ARHGEF3: variants seen among roughly 807,000 people sequenced by gnomAD.
The protein encoded by ARHGEF3 is 59.8 kDA protein.
A neutral mutation model predicts 63.2 loss-of-function variants in ARHGEF3; 28 were observed. The observed-to-expected ratio is 0.44, with a 90% CI of 0.33 to 0.61. The LOEUF is 0.61. ARHGEF3 is among the 20% of genes least tolerant of loss of function. The pLI is 0.03. For synonymous variants in ARHGEF3, 266 were observed against 254.2 expected, an observed-to-expected ratio of 1.05 and a Z score of -0.44; for missense variants, 533 against 659.3, an observed-to-expected ratio of 0.81 and a Z score of 2.10.
intron 6 of ARHGEF3, among the ~76,000 whole-genome samples, chr3:56,749,930 C>T (rs962756349): frequency 6.7e-6 from 1 of 149,222 alleles, no homozygotes; most frequent in African/African-American, 2.6e-5. Context: ...TATGTGTTAT[C>T]AAGGCATGTT....
chr3:56,834,720 G>C (rs1013045656), intron 4 of ARHGEF3, among the ~76,000 whole-genome samples: 7 of 150,010 alleles, frequency 4.7e-5, no homozygotes, highest in South Asian at 2.1e-4. Flanking sequence ...ACTCCAGCCT[G>C]GGTGACAGAG....
chr3:57,000,760 T>C (rs962047453), intron 2 of ARHGEF3, among the ~76,000 whole-genome samples: 135 of 152,230 alleles, frequency 8.9e-4, no homozygotes, highest in African/African-American at 3.2e-3. Context: ...CTCGAACTCC[T>C]GACCTCAAGT....
intron 4 of ARHGEF3, among the ~76,000 whole-genome samples, chr3:56,850,025 A>T (rs1168835289): frequency 6.6e-6 from 1 of 151,942 alleles, no homozygotes; most frequent in Non-Finnish European, 1.5e-5. Flanking sequence ...TTTAAGTATT[A>T]CCCTTCCCCC....
At chr3:56,743,365 T>C (rs776303181) in intron 7 of ARHGEF3, among the ~76,000 whole-genome samples, 1 of 152,172 alleles carries the variant, frequency 6.6e-6, no homozygotes, top group African/African-American at 2.4e-5. Flanking sequence ...CTCAAAGTAG[T>C]GGGCAGGCTT....
chr3:57,007,621 C>G (rs770251792), intron 2 of ARHGEF3, among the ~76,000 whole-genome samples: 27 of 152,184 alleles, frequency 1.8e-4, no homozygotes, highest in Non-Finnish European at 2.9e-4. Context: ...CACACTCAGC[C>G]TCTTCCTAGC....
At chr3:56,924,457 G>T (rs1290225610) in intron 3 of ARHGEF3, among the ~76,000 whole-genome samples, 1 of 152,172 alleles carries the variant, frequency 6.6e-6, no homozygotes, top group African/African-American at 2.4e-5. Context: ...ATGCAAGAAA[G>T]AATTCAGGGC....
chr3:56,909,361 C>T (rs184397982), intron 3 of ARHGEF3, among the ~76,000 whole-genome samples: 8 of 152,290 alleles, frequency 5.3e-5, no homozygotes, highest in East Asian at 1.9e-4. Context: ...CCACAAAGTG[C>T]GCATGGAAAT....
intron 1 of ARHGEF3, chr3:56,775,529 G>A (rs2036242079): frequency 2.0e-6 from 2 of 987,272 alleles, no homozygotes; most frequent in Non-Finnish European, 2.4e-6. Context: ...AAGCTGAACA[G>A]ACAGCAGAAA....
intron 2 of ARHGEF3, among the ~76,000 whole-genome samples, chr3:57,010,754 C>A (rs1286374459): frequency 5.9e-5 from 9 of 152,100 alleles, no homozygotes; most frequent in African/African-American, 1.9e-4. Flanking sequence ...CCCCAGTGTT[C>A]ATGGAAAGGC....
At chr3:56,888,714 C>T (rs1428310776) in intron 3 of ARHGEF3, among the ~76,000 whole-genome samples, 1 of 152,002 alleles carries the variant, frequency 6.6e-6, no homozygotes, top group African/African-American at 2.4e-5. Flanking sequence ...ACCAGCCTGG[C>T]CAATATGGTG....
intron 3 of ARHGEF3, among the ~76,000 whole-genome samples, chr3:56,929,293 A>G (rs749837746): frequency 2.0e-5 from 3 of 152,180 alleles, no homozygotes; most frequent in Non-Finnish European, 2.9e-5. Context: ...GTTAACTGAA[A>G]TTTATCACAG....
intron 1 of ARHGEF3, among the ~76,000 whole-genome samples, chr3:56,785,227 T>C (rs962177555): frequency 3.3e-5 from 5 of 152,088 alleles, no homozygotes; most frequent in Non-Finnish European, 5.9e-5. Flanking sequence ...TTTCTTCCTG[T>C]GGTTTTATCA....
chr3:56,767,310 C>A (rs146949352), intron 2 of ARHGEF3, among the ~76,000 whole-genome samples: 2 of 149,712 alleles, frequency 1.3e-5, no homozygotes, highest in Non-Finnish European at 3.0e-5. Flanking sequence ...CGGCCGGGCG[C>A]GGTGGCTCAC....
At chr3:56,903,951 C>T (rs1440595051) in intron 3 of ARHGEF3, among the ~76,000 whole-genome samples, 2 of 152,144 alleles carry the variant, frequency 1.3e-5, no homozygotes, top group African/African-American at 4.8e-5. Context: ...GCAGCCTCAA[C>T]CTCCTTGGCT....
At chr3:56,999,545 A>G (rs1702112113) in intron 2 of ARHGEF3, among the ~76,000 whole-genome samples, 1 of 152,338 alleles carries the variant, frequency 6.6e-6, no homozygotes, top group African/African-American at 2.4e-5. Flanking sequence ...CCAGGCTCAC[A>G]CTGTAATCCC....
Position 56,974,445 on chromosome 3 carries a change from G to A in ARHGEF3, c.63-15556C>T, listed in dbSNP as rs1304741566. 3.3e-5 allele frequency among the ~76,000 whole-genome samples: 5 copies of A among 152,126 alleles called. No homozygotes were observed. The East Asian group carries it at 5.8e-4, about 18-fold the overall frequency. ...TGGCATTCTCATCTGCATCATCAGC[G>A]GATAGATGGCAGCACCAAGCTTTCA... On this transcript the variant is annotated intron_variant, in intron 2 of 12. Transcript: ENST00000338458.
chr3:56,886,478 G>C lies in ARHGEF3; in HGVS notation c.130-4124C>G, dbSNP rs141883622. 7.6e-4 allele frequency among the ~76,000 whole-genome samples: 116 copies of C among 152,324 alleles called. 1 individual carries two copies. Among genetic ancestry groups the C allele is most frequent in the African/African-American group, 2.6e-3 (109 of 41,574 alleles). On this transcript the variant is annotated intron_variant, in intron 3 of 12. Coordinates refer to the ARHGEF3 transcript ENST00000338458. Reference sequence around the variant, plus strand: ...CTCTACCCAGGAACTGGGATTTCTAGAATATTGGGGTGTTGACCTCATGCC... The same window carrying C: ...CTCTACCCAGGAACTGGGATTTCTACAATATTGGGGTGTTGACCTCATGCC...
chr3:56,809,687 A>G (rs1183644461), intron 4 of ARHGEF3, among the ~76,000 whole-genome samples: 4 of 151,990 alleles, frequency 2.6e-5, no homozygotes, highest in African/African-American at 9.7e-5. Context: ...GGGGTTAAGG[A>G]TTCAATAAAT....
intron 2 of ARHGEF3, among the ~76,000 whole-genome samples, chr3:56,990,494 G>A (rs1179944641): frequency 6.6e-6 from 1 of 152,238 alleles, no homozygotes; most frequent in East Asian, 1.9e-4. Context: ...GCTGAGGCAG[G>A]AGAATCACTT....
Sources: gnomAD v4.1 joint callset for allele counts (sites outside exome capture counted in the v4.1 genomes callset) on GRCh38, gnomAD v4.1.1 for gene constraint, MANE v1.5 for transcripts, NCBI Gene and HGNC (gene_info 2026-07-23, HGNC 2026-07-21) for gene names.